The following STK3 variants were observed in gnomAD, a reference collection of about 807,000 sequenced individuals.
STK3 encodes serine/threonine-protein kinase 3.
STK3 carries 41 observed loss-of-function variants against 58.0 expected under a neutral mutation model. The ratio of observed to expected loss-of-function variants is 0.71; its 90% confidence interval spans 0.55 to 0.92. STK3 has a LOEUF of 0.92. Among genes scored for constraint, STK3 ranks in the 40% least tolerant of loss-of-function variants. The pLI is 0.00. For synonymous variants in STK3, 170 were observed against 191.0 expected (o/e 0.89, Z 0.91); for missense variants, 479 against 602.7 (o/e 0.79, Z 2.15).
chr8:98,534,390 A>G (rs1460509798), intron 9 of STK3, among the ~76,000 whole-genome samples: 2 of 152,222 alleles, frequency 1.3e-5, no homozygotes, highest in Non-Finnish European at 2.9e-5. Context: ...AGCTCATGAA[A>G]AAGAAACTCC....
upstream of STK3, among the ~76,000 whole-genome samples, chr8:98,826,368 T>G (rs1415272546): frequency 6.6e-6 from 1 of 152,252 alleles, no homozygotes; most frequent in African/African-American, 2.4e-5. Flanking sequence ...TTGTTTGATT[T>G]TTATTGTGGA....
At chr8:98,359,688 G>T in the STK3 span, among the ~76,000 whole-genome samples, 1 of 152,146 alleles carries the variant, frequency 6.6e-6, no homozygotes, top group Non-Finnish European at 1.5e-5. Context: ...CCATAGAGCA[G>T]CCAGGAGGAT....
intron 1 of STK3, among the ~76,000 whole-genome samples, chr8:98,909,095 A>T (rs2131975949): frequency 6.6e-6 from 1 of 152,322 alleles, no homozygotes; most frequent in South Asian, 2.1e-4. Context: ...CAGGAAATGG[A>T]TGCTGCAGTG....
In STK3 at chr8:98,584,509, G is replaced by T. The variant is rs202000364; in HGVS notation, c.823-4720C>A. On this transcript the variant is annotated intron_variant, in intron 7 of 10. Transcript: ENST00000419617. ...AATCCAGTCTATCATTTTTGGACAT[G>T]TGGGTTGGTTCCAAGTCTTTGCTAT... 2.6e-3 allele frequency among the ~76,000 whole-genome samples: 398 copies of T among 152,036 alleles called. 3 individuals carry two copies. Among genetic ancestry groups the T allele is most frequent in the African/African-American group, 8.2e-3 (341 of 41,480 alleles).
chr8:98,443,993 A>G (rs1818797948), intron 1 of STK3, among the ~76,000 whole-genome samples: 1 of 152,180 alleles, frequency 6.6e-6, no homozygotes, highest in African/African-American at 2.4e-5. Flanking sequence ...AATCACGTTT[A>G]TTTTACCTAT....
At chr8:98,359,344 T>TA in the STK3 span, among the ~76,000 whole-genome samples, 11,044 of 55,516 alleles carry the variant, frequency 0.2, 2,002 homozygotes, top group Non-Finnish European at 0.27. Context: ...CCATCTCAAC[T>TA]AAAAAAAAAA....
At chr8:98,905,532 G>A (rs1587829305) in intron 1 of STK3, 3 of 1,063,078 alleles carry the variant, frequency 2.8e-6, no homozygotes, top group African/African-American at 1.6e-5. Context: ...ATCCTCAGCC[G>A]CCGTCTTGTC....
intron 1 of STK3, among the ~76,000 whole-genome samples, chr8:98,802,057 A>C (rs1156436507): frequency 6.6e-6 from 1 of 152,192 alleles, no homozygotes; most frequent in Non-Finnish European, 1.5e-5. Flanking sequence ...CTGTAGTCCT[A>C]GCTATTGAGG....
At chr8:98,572,721 G>A (rs984030368) in intron 8 of STK3, among the ~76,000 whole-genome samples, 3 of 152,048 alleles carry the variant, frequency 2.0e-5, no homozygotes, top group African/African-American at 7.2e-5. Flanking sequence ...TGTACATATT[G>A]TATATTTTCT....
At chr8:98,382,261 G>T (rs1480663756) in intron 1 of STK3, among the ~76,000 whole-genome samples, 1 of 152,222 alleles carries the variant, frequency 6.6e-6, no homozygotes, top group East Asian at 1.9e-4. Context: ...AGCAGGCCTG[G>T]AAAGTGAACC....
chr8:98,639,615 G>A (rs1819863667), intron 6 of STK3, among the ~76,000 whole-genome samples: 1 of 152,106 alleles, frequency 6.6e-6, no homozygotes, highest in Admixed American at 6.6e-5. Context: ...ATGCTTTGGG[G>A]AAAACTTACT....
chr8:98,794,258 C>T (rs949821135), intron 1 of STK3, among the ~76,000 whole-genome samples: 4 of 151,780 alleles, frequency 2.6e-5, no homozygotes, highest in South Asian at 2.1e-4. Flanking sequence ...AAAACAAGAC[C>T]GACAGACTGC....
chr8:98,636,758 T>C (rs1315403852), intron 6 of STK3, among the ~76,000 whole-genome samples: 1 of 152,178 alleles, frequency 6.6e-6, no homozygotes, highest in Non-Finnish European at 1.5e-5. Flanking sequence ...ACCAAAGTCA[T>C]ATAGTTAAAA....
intron 1 of STK3, among the ~76,000 whole-genome samples, chr8:98,447,191 A>T (rs1360307258): frequency 6.6e-6 from 1 of 152,102 alleles, no homozygotes. Flanking sequence ...CCCCCATGAC[A>T]TATGGATTTA....
At position 98,555,311 on chromosome 8, in the gene STK3, T is replaced by C. The variant is rs117911502; in HGVS notation, c.949-7150A>G. On this transcript the variant is annotated intron_variant, in intron 8 of 10. Coordinates refer to ENST00000419617, the MANE Select transcript of STK3 (RefSeq NM_006281.4). The stretch of plus-strand genomic sequence containing the variant: ...GACTGAATTAAGGATAAAAAGTATT[T>C]ATCACTTGTGAGACTAATTTGTCAT... 2.6e-5 allele frequency among the ~76,000 whole-genome samples: 4 copies of C among 152,270 alleles called. No homozygotes were observed. In the East Asian group the frequency reaches 7.7e-4, roughly 29 times the overall value.
chr8:98,569,356 A>G (rs1309542640), intron 8 of STK3, among the ~76,000 whole-genome samples: 3 of 151,484 alleles, frequency 2.0e-5, no homozygotes, highest in Non-Finnish European at 4.4e-5. Flanking sequence ...ATTACAGAAG[A>G]AAAAAAAGAG....
chr8:98,367,515 C>T (rs1013560488), downstream of STK3, among the ~76,000 whole-genome samples: 1 of 152,230 alleles, frequency 6.6e-6, no homozygotes, highest in African/African-American at 2.4e-5. Context: ...AGGCTGCAGG[C>T]CAACTGCTGT....
chr8:98,757,641 C>T (rs1830375903), intron 3 of STK3, among the ~76,000 whole-genome samples: 1 of 148,496 alleles, frequency 6.7e-6, no homozygotes, highest in Non-Finnish European at 1.5e-5. Context: ...TCAGACAGTT[C>T]AAGACCTGAG....
At chr8:98,812,186 C>T (rs1203428240) in intron 1 of STK3, among the ~76,000 whole-genome samples, 1 of 152,020 alleles carries the variant, frequency 6.6e-6, no homozygotes, top group Non-Finnish European at 1.5e-5. Flanking sequence ...ATGTTTAGCT[C>T]TGAAGTAATA....
Sources: gnomAD v4.1 joint callset for allele counts (sites outside exome capture counted in the v4.1 genomes callset) on GRCh38, gnomAD v4.1.1 for gene constraint, MANE v1.5 for transcripts, NCBI Gene and HGNC (gene_info 2026-07-23, HGNC 2026-07-21) for gene names.